The following DPP6 variants were observed in gnomAD, a reference collection of about 807,000 sequenced individuals.
DPP6 encodes the protein dipeptidyl peptidase like 6.
Under a neutral mutation model 122.6 loss-of-function variants are expected in DPP6, and 69 were observed. The ratio of observed to expected loss-of-function variants is 0.56; its 90% CI spans 0.46 to 0.69. The LOEUF (loss-of-function observed/expected upper bound fraction) is 0.69, where lower values mean the gene tolerates loss of function less well. DPP6 is among the 30% of genes least tolerant of loss of function. DPP6 has a pLI of 0.00. For synonymous variants in DPP6, 418 were observed against 433.1 expected (o/e 0.97, Z 0.43); for missense variants, 928 against 1,116.9 (o/e 0.83, Z 2.41).
At chr7:153,903,501 A>C (rs1004444001) in intron 1 of DPP6, among the ~76,000 whole-genome samples, 1 of 152,226 alleles carries the variant, frequency 6.6e-6, no homozygotes, top group Non-Finnish European at 1.5e-5. Context: ...TCACCTAGGT[A>C]GTAGGTAGAA....
chr7:154,170,178 A>T (rs1020611033), intron 1 of DPP6, among the ~76,000 whole-genome samples: 21 of 152,100 alleles, frequency 1.4e-4, no homozygotes, highest in African/African-American at 5.1e-4. Flanking sequence ...CTCTGATCAA[A>T]GCCACCCTTG....
At chr7:154,498,287 C>T (rs1007936228) in intron 3 of DPP6, among the ~76,000 whole-genome samples, 2 of 152,136 alleles carry the variant, frequency 1.3e-5, no homozygotes, top group Non-Finnish European at 2.9e-5. Flanking sequence ...ACCAAATACG[C>T]AATGAATTTT....
At chr7:154,158,654 A>G (rs1041790080) in intron 1 of DPP6, among the ~76,000 whole-genome samples, 2 of 151,992 alleles carry the variant, frequency 1.3e-5, no homozygotes, top group African/African-American at 4.8e-5. Context: ...GTCTGGTGGT[A>G]TCTGTCTGCC....
chr7:154,805,016 A>C, intron 15 of DPP6, 52 bp downstream of exon 15: 1 of 1,554,570 alleles, frequency 6.4e-7, no homozygotes. Context: ...GAGGGCATCC[A>C]GGCTTTGCAG....
intron 7 of DPP6, among the ~76,000 whole-genome samples, chr7:154,694,827 A>G (rs560574268): frequency 3.9e-5 from 6 of 152,240 alleles, no homozygotes; most frequent in African/African-American, 1.4e-4. Flanking sequence ...AGTCCCGGGT[A>G]AGCGGGATGG....
chr7:154,881,054 G>C (rs745875558), intron 21 of DPP6, 112 bp downstream of exon 21: 3 of 1,409,098 alleles, frequency 2.1e-6, no homozygotes, highest in Non-Finnish European at 2.8e-6. Context: ...TGGTGAGCAA[G>C]TAATTTTTTA....
chr7:154,713,703 C>T (rs1409747744), intron 7 of DPP6, among the ~76,000 whole-genome samples: 2 of 152,184 alleles, frequency 1.3e-5, no homozygotes, highest in African/African-American at 4.8e-5. Flanking sequence ...GGCCCTGGGT[C>T]CAGGCCAGGA....
At chr7:154,096,764 T>G (rs2533622) in intron 1 of DPP6, among the ~76,000 whole-genome samples, 76,563 of 140,128 alleles carry the variant, frequency 0.55, 19,482 homozygotes, top group South Asian at 0.66. Context: ...ATACTAGATT[T>G]GCTGTCTCTG....
intron 17 of DPP6, among the ~76,000 whole-genome samples, chr7:154,857,577 C>A (rs1022880974): frequency 4.6e-5 from 7 of 152,230 alleles, no homozygotes; most frequent in Non-Finnish European, 1.0e-4. Flanking sequence ...CCATCTCCAA[C>A]CCAGCTGTGT....
chr7:154,842,873 C>A (rs1801660413), intron 16 of DPP6, among the ~76,000 whole-genome samples: 1 of 152,200 alleles, frequency 6.6e-6, no homozygotes, highest in Non-Finnish European at 1.5e-5. Flanking sequence ...TCAGTTTGAA[C>A]ATCAGGGCTG....
intron 1 of DPP6, among the ~76,000 whole-genome samples, chr7:154,017,982 C>T (rs775765949): frequency 7.9e-5 from 12 of 152,116 alleles, no homozygotes; most frequent in Non-Finnish European, 1.5e-4. Context: ...CTTTCTCTGG[C>T]AGAGTGCAGG....
chr7:154,716,612 T>C (rs1049968855), intron 7 of DPP6, among the ~76,000 whole-genome samples: 1 of 152,154 alleles, frequency 6.6e-6, no homozygotes, highest in African/African-American at 2.4e-5. Context: ...AAATGTGGTA[T>C]CTTTAATGAT....
chr7:154,338,684 T>A (rs567579615), intron 1 of DPP6, among the ~76,000 whole-genome samples: 1 of 152,210 alleles, frequency 6.6e-6, no homozygotes, highest in Non-Finnish European at 1.5e-5. Flanking sequence ...TTTCCTACAT[T>A]GTCAGCTTCT....
chr7:154,705,847 A>G (rs1840800402), intron 7 of DPP6, among the ~76,000 whole-genome samples: 1 of 152,264 alleles, frequency 6.6e-6, no homozygotes, highest in Admixed American at 6.5e-5. Flanking sequence ...TGTTGGTAGA[A>G]TAGAGCAACT....
At position 154,571,621 on chromosome 7, in the gene DPP6, T is replaced by C. The variant is rs558061049; in HGVS notation, c.627+4705T>C. 2.7e-4 allele frequency among the ~76,000 whole-genome samples: 41 copies of C among 152,328 alleles called. 1 individual carries two copies. Among genetic ancestry groups the C allele is most frequent in the Admixed American group, 1.8e-3 (27 of 15,304 alleles). ...TATTTAAAGGAGTTAGTTGAAATGA[T>C]TGTTCTTAGTCAGATCATTGCCAGT... On this transcript the variant is annotated intron_variant, in intron 5 of 25. Coordinates refer to ENST00000377770, the MANE Select transcript of DPP6 (RefSeq NM_130797.4).
intron 7 of DPP6, among the ~76,000 whole-genome samples, chr7:154,683,930 G>A (rs1490608698): frequency 6.6e-6 from 1 of 152,182 alleles, no homozygotes; most frequent in African/African-American, 2.4e-5. Context: ...ATACAGTGGT[G>A]TGAGCATGGC....
intron 1 of DPP6, among the ~76,000 whole-genome samples, chr7:154,399,404 A>G (rs1347940082): frequency 1.3e-5 from 2 of 152,112 alleles, no homozygotes; most frequent in African/African-American, 2.4e-5. Flanking sequence ...AACTCATGCA[A>G]TTTTTCAAAG....
At chr7:154,629,912 G>A (rs552166688) in intron 5 of DPP6, among the ~76,000 whole-genome samples, 1 of 152,308 alleles carries the variant, frequency 6.6e-6, no homozygotes, top group East Asian at 1.9e-4. Flanking sequence ...ATTCCGGTTT[G>A]CCAAGAGCCC....
intron 1 of DPP6, among the ~76,000 whole-genome samples, chr7:153,984,039 A>T: frequency 7.1e-6 from 1 of 141,412 alleles, no homozygotes; most frequent in Non-Finnish European, 1.5e-5. Flanking sequence ...TATTCTAACA[A>T]CCATTCTGTC....
Sources: allele counts gnomAD v4.1 joint callset (sites outside exome capture counted in the v4.1 genomes callset), GRCh38; gene constraint gnomAD v4.1.1; transcripts MANE v1.5; gene names NCBI Gene and HGNC (gene_info 2026-07-23, HGNC 2026-07-21).